SCLT1: variants seen among roughly 807,000 people sequenced by gnomAD.
SCLT1 encodes the protein sodium channel and clathrin linker 1, also known as sodium channel-associated protein 1.
SCLT1 carries 78 observed loss-of-function variants against 112.8 expected under a neutral mutation model. The ratio of observed to expected loss-of-function variants is 0.69; its 90% CI spans 0.58 to 0.83. SCLT1 has a LOEUF of 0.83. Ranked by LOEUF, SCLT1 falls within the 40% of genes least tolerant of loss-of-function variation. The pLI, the probability that SCLT1 is intolerant of heterozygous loss-of-function variation, is 0.00. For synonymous variants in SCLT1, 257 were observed against 254.7 expected, an observed-to-expected ratio of 1.01 and a Z score of -0.09; for missense variants, 747 against 770.4, an observed-to-expected ratio of 0.97 and a Z score of 0.36.
intron 4 of SCLT1, among the ~76,000 whole-genome samples, chr4:129,042,869 T>C (rs1747826963): frequency 6.6e-6 from 1 of 151,842 alleles, no homozygotes. Flanking sequence ...GGTCAGGAGA[T>C]CGAGACCATC....
intron 18 of SCLT1, among the ~76,000 whole-genome samples, chr4:128,909,749 G>A (rs1310512498): frequency 1.3e-5 from 2 of 152,300 alleles, no homozygotes; most frequent in East Asian, 1.9e-4. Flanking sequence ...GAATATGTCC[G>A]AGGGCTGGCC....
At chr4:129,033,680 G>A in intron 5 of SCLT1, among the ~76,000 whole-genome samples, 1 of 151,998 alleles carries the variant, frequency 6.6e-6, no homozygotes, top group Admixed American at 6.6e-5. Flanking sequence ...CCAGTCCTGT[G>A]CAGCTCTGGA....
At chr4:129,004,003 A>T in intron 5 of SCLT1, 127 bp from the exon 6 acceptor site, 1 of 791,606 alleles carries the variant, frequency 1.3e-6, no homozygotes. Flanking sequence ...AGTAGACTTC[A>T]AATAAAAAAT....
At chr4:128,899,813 C>A (rs1734116039) in intron 18 of SCLT1, among the ~76,000 whole-genome samples, 1 of 152,172 alleles carries the variant, frequency 6.6e-6, no homozygotes, top group South Asian at 2.1e-4. Flanking sequence ...AGCTGATAGG[C>A]AACTTCAGCA....
intron 12 of SCLT1, among the ~76,000 whole-genome samples, chr4:128,957,549 C>A (rs992353545): frequency 6.6e-6 from 1 of 152,030 alleles, no homozygotes; most frequent in Non-Finnish European, 1.5e-5. Context: ...TCATTGCAGA[C>A]ACTACTTGTT....
At chr4:128,987,308 G>A (rs1397117835) in intron 9 of SCLT1, among the ~76,000 whole-genome samples, 2 of 152,094 alleles carry the variant, frequency 1.3e-5, no homozygotes, top group African/African-American at 2.4e-5. Context: ...CCACAAGCAC[G>A]AAGAACATCC....
chr4:129,092,982 A>G (rs1458048486), intron 1 of SCLT1, 88 bp downstream of exon 1: 15 of 980,064 alleles, frequency 1.5e-5, no homozygotes, highest in Non-Finnish European at 2.3e-5. Flanking sequence ...ATTTAAATGT[A>G]CCCAACCAGC....
At chr4:128,953,251 A>G (rs1348857398) in intron 13 of SCLT1, among the ~76,000 whole-genome samples, 1 of 152,226 alleles carries the variant, frequency 6.6e-6, no homozygotes. Context: ...TATATTCTCC[A>G]AAACTAAAAA....
chr4:128,913,990 C>G (rs901681046), intron 18 of SCLT1, among the ~76,000 whole-genome samples: 4 of 152,136 alleles, frequency 2.6e-5, no homozygotes, highest in Admixed American at 2.6e-4. Flanking sequence ...CCACTGCCCA[C>G]AAAGAGAAGT....
chr4:129,043,438 T>A lies in SCLT1; in HGVS notation c.191A>T (p.Asp64Val). 1 of 1,546,710 alleles carries A rather than the reference T, an allele frequency of 6.5e-7. No individual in the cohort carries two copies. The highest frequency in any genetic ancestry group is 8.9e-7 in the Non-Finnish European group (1 of 1,127,240). ...SFLAPLVTEY[D>V]KHLGELNGQL... Reference sequence around the variant, plus strand: ...CCCATTTAGTTCTCCTAGGTGTTTATCATACTCAGTAACAAGAGGAGCTAA... The same window carrying A: ...CCCATTTAGTTCTCCTAGGTGTTTAACATACTCAGTAACAAGAGGAGCTAA... The change falls in exon 4 of 21, where the codon GAT becomes GTT. Residue 64 changes from aspartate to valine, a missense_variant. Physicochemically the swap from Asp to Val is radical, Grantham distance 152. Transcript: ENST00000281142.
At chr4:129,026,299 A>G (rs913530355) in intron 5 of SCLT1, among the ~76,000 whole-genome samples, 15 of 152,284 alleles carry the variant, frequency 9.9e-5, no homozygotes, top group African/African-American at 3.6e-4. Flanking sequence ...CATACTGGGA[A>G]GTAAAGCTCT....
intron 2 of SCLT1, among the ~76,000 whole-genome samples, chr4:129,063,565 C>A (rs1381813867): frequency 1.3e-5 from 2 of 152,160 alleles, no homozygotes; most frequent in Admixed American, 6.5e-5. Flanking sequence ...ACATGACAGC[C>A]AGCCATGGGG....
intron 2 of SCLT1, among the ~76,000 whole-genome samples, chr4:129,062,779 GTATGT>G (rs1371270387): frequency 2.6e-5 from 4 of 152,120 alleles, no homozygotes; most frequent in South Asian, 4.1e-4. Context: ...AAGTTCCTTT[GTATGT>G]TATAAGTCCT....
intron 2 of SCLT1, among the ~76,000 whole-genome samples, chr4:129,063,384 C>T (rs1750167798): frequency 6.6e-6 from 1 of 152,248 alleles, no homozygotes; most frequent in African/African-American, 2.4e-5. Context: ...AGGGAGAATT[C>T]CTAAGACTAT....
intron 10 of SCLT1, among the ~76,000 whole-genome samples, chr4:128,969,251 C>A (rs181343150): frequency 1.4e-4 from 22 of 152,164 alleles, no homozygotes; most frequent in Admixed American, 1.3e-3. Context: ...CTGTGTGTTT[C>A]TCTTGCTGCC....
rs1335534970 is a variant in SCLT1, at chr4:129,039,088, CACCT to C, written c.239_242del (p.Gln80ArgfsTer4). The stretch of plus-strand genomic sequence containing the variant: ...TTTCAAGTTGTAATTTCATCTCACC[CACCT>C]GTTTCTGAAAGAATAAAATATGGTG... On this transcript the variant is annotated frameshift_variant, in exon 5 of 21. Transcript: ENST00000281142. LOFTEE classifies it high-confidence loss of function. 4 of 1,599,076 alleles carry C rather than the reference CACCT, an allele frequency of 2.5e-6. No homozygotes were observed. Among genetic ancestry groups the C allele is most frequent in the African/African-American group, 2.7e-5 (2 of 74,632 alleles).
intron 10 of SCLT1, 129 bp downstream of exon 10, chr4:128,970,249 A>C (rs1482213139): frequency 1.6e-6 from 1 of 641,946 alleles, no homozygotes; most frequent in Admixed American, 2.9e-5. Flanking sequence ...CTACTTTCAT[A>C]TTTTAAGGGT....
intron 5 of SCLT1, among the ~76,000 whole-genome samples, chr4:129,028,288 T>C (rs2126138061): frequency 6.6e-6 from 1 of 152,256 alleles, no homozygotes; most frequent in South Asian, 2.1e-4. Context: ...ACTGCAAGGC[T>C]ACAGTAACCA....
At chr4:129,007,094 ACT>A (rs1008461322) in intron 5 of SCLT1, among the ~76,000 whole-genome samples, 1 of 152,118 alleles carries the variant, frequency 6.6e-6, no homozygotes, top group African/African-American at 2.4e-5. Flanking sequence ...CATAATTTTC[ACT>A]GTCATCAAAG....
Sources: gnomAD v4.1 joint callset for allele counts (sites outside exome capture counted in the v4.1 genomes callset) on GRCh38, gnomAD v4.1.1 for gene constraint, MANE v1.5 for transcripts, NCBI Gene and HGNC (gene_info 2026-07-23, HGNC 2026-07-21) for gene names.